The following ERC2 variants were observed in gnomAD, a reference collection of about 807,000 sequenced individuals.
ERC2 encodes ERC protein 2.
Under a neutral mutation model 114.8 loss-of-function variants are expected in ERC2, and 42 were observed. That is an observed-to-expected ratio of 0.37 (90% CI 0.29 to 0.47). The LOEUF is 0.47. ERC2 is among the 20% of genes least tolerant of loss of function. The probability of loss-of-function intolerance (pLI) is 0.99; values close to 1 mark genes in which losing one functional copy is unlikely to be tolerated. For missense variants in ERC2, 939 were observed against 1,150.7 expected (o/e 0.82, Z 2.66); for synonymous variants, 454 against 425.5 (o/e 1.07, Z -0.82).
chr3:56,164,147 C>T (rs894989978), intron 4 of ERC2, among the ~76,000 whole-genome samples: 9 of 151,918 alleles, frequency 5.9e-5, no homozygotes, highest in Non-Finnish European at 1.2e-4. Context: ...CCATAAAATT[C>T]ACCCTTTTAA....
intron 14 of ERC2, among the ~76,000 whole-genome samples, chr3:55,774,840 A>G (rs2068477756): frequency 1.3e-5 from 2 of 152,212 alleles, no homozygotes; most frequent in Admixed American, 1.3e-4. Flanking sequence ...CCTAATTACT[A>G]ATATTTATTT....
At chr3:56,216,653 A>C (rs530205278) in intron 3 of ERC2, among the ~76,000 whole-genome samples, 118 of 152,292 alleles carry the variant, frequency 7.7e-4, no homozygotes, top group African/African-American at 2.7e-3. Flanking sequence ...AGGCCAGCAT[A>C]ATCCTGATAC....
chr3:55,835,221 A>C (rs981544979), intron 14 of ERC2, among the ~76,000 whole-genome samples: 1 of 152,186 alleles, frequency 6.6e-6, no homozygotes, highest in Non-Finnish European at 1.5e-5. Flanking sequence ...CAACGAACAG[A>C]AAAAGAGGGA....
intron 3 of ERC2, among the ~76,000 whole-genome samples, chr3:56,204,517 T>TTTTATTTTAC: frequency 6.6e-6 from 1 of 151,602 alleles, no homozygotes; most frequent in Non-Finnish European, 1.5e-5. Context: ...TTTTATTTTA[T>TTTTATTTTAC]TTTTTGAGAC....
chr3:55,603,643 C>CA (rs34016147), intron 17 of ERC2, among the ~76,000 whole-genome samples: 13,009 of 66,584 alleles, frequency 0.2, 974 homozygotes, highest in South Asian at 0.25. Flanking sequence ...GACTCTGTCT[C>CA]AAAAAAAAAA....
At chr3:56,189,595 G>T (rs2083858757) in intron 3 of ERC2, among the ~76,000 whole-genome samples, 1 of 152,196 alleles carries the variant, frequency 6.6e-6, no homozygotes, top group African/African-American at 2.4e-5. Context: ...AAAGTAAGGG[G>T]TTCTGTATCA....
At chr3:56,104,551 AT>A (rs2078541723) in intron 6 of ERC2, among the ~76,000 whole-genome samples, 1 of 152,168 alleles carries the variant, frequency 6.6e-6, no homozygotes, top group Non-Finnish European at 1.5e-5. Context: ...ATTCAACAGA[AT>A]GGAATTACTT....
intron 14 of ERC2, among the ~76,000 whole-genome samples, chr3:55,788,507 G>C (rs1039024652): frequency 6.6e-6 from 1 of 152,178 alleles, no homozygotes; most frequent in African/African-American, 2.4e-5. Flanking sequence ...CTTCCCTTGA[G>C]AATTCAGCCC....
At chr3:55,527,852 C>G (rs1476005554) in intron 17 of ERC2, among the ~76,000 whole-genome samples, 1 of 152,130 alleles carries the variant, frequency 6.6e-6, no homozygotes, top group East Asian at 1.9e-4. Flanking sequence ...CAGTCAACTC[C>G]CCTTTTCTGA....
At chr3:56,456,920 G>A (rs1050843977) in intron 1 of ERC2, among the ~76,000 whole-genome samples, 4 of 151,758 alleles carry the variant, frequency 2.6e-5, no homozygotes, top group African/African-American at 9.7e-5. Flanking sequence ...CAATTTAACA[G>A]TGCTACTGTA....
intron 14 of ERC2, among the ~76,000 whole-genome samples, chr3:55,751,177 T>C (rs985038471): frequency 3.9e-5 from 6 of 152,254 alleles, no homozygotes; most frequent in Non-Finnish European, 8.8e-5. Flanking sequence ...TGTTTGGCAC[T>C]TCCAAGCTGG....
At chr3:56,317,253 A>G (rs1012009367) in intron 2 of ERC2, among the ~76,000 whole-genome samples, 126 of 152,352 alleles carry the variant, frequency 8.3e-4, no homozygotes, top group Middle Eastern at 3.4e-3. Context: ...AAGATATTCC[A>G]GGCAGAGTGA....
chr3:55,800,814 A>G (rs1245433281), intron 14 of ERC2, among the ~76,000 whole-genome samples: 1 of 152,178 alleles, frequency 6.6e-6, no homozygotes, highest in African/African-American at 2.4e-5. Flanking sequence ...TTGAGCTAAT[A>G]GCAGGAGATA....
chr3:56,444,072 C>G (rs2062447593), intron 1 of ERC2, among the ~76,000 whole-genome samples: 1 of 150,924 alleles, frequency 6.6e-6, no homozygotes, highest in East Asian at 2.0e-4. Flanking sequence ...ACGCCATTCT[C>G]CTGACTCAGC....
At chr3:56,156,332 C>G (rs112853899) in intron 4 of ERC2, among the ~76,000 whole-genome samples, 1 of 152,080 alleles carries the variant, frequency 6.6e-6, no homozygotes, top group South Asian at 2.1e-4. Flanking sequence ...GTAGTTTCAT[C>G]GGAGTTGTGT....
intron 13 of ERC2, among the ~76,000 whole-genome samples, chr3:55,948,772 TATAGA>T (rs1252194253): frequency 6.6e-6 from 1 of 152,222 alleles, no homozygotes; most frequent in Non-Finnish European, 1.5e-5. Flanking sequence ...AATTACTATA[TATAGA>T]AAAGACAAAA....
At chr3:55,715,327 T>A (rs709342) in intron 15 of ERC2, among the ~76,000 whole-genome samples, 88,322 of 152,002 alleles carry the variant, frequency 0.58, 26,001 homozygotes, top group South Asian at 0.71. Context: ...ATCATGGGCC[T>A]AAGATTGGGA....
In ERC2 at chr3:56,243,693, C is replaced by A. The variant is rs4974127; in HGVS notation, c.1074+52326G>T. ...AAGAAGATGAATTTCAACAGAAAATCATTTGGGATGAGGGAAGAATAAAGG... is the reference window on the plus strand; with the variant it reads ...AAGAAGATGAATTTCAACAGAAAATAATTTGGGATGAGGGAAGAATAAAGG... On this transcript the variant is annotated intron_variant, in intron 3 of 17. Transcript: ENST00000288221. 2.6e-5 allele frequency among the ~76,000 whole-genome samples: 4 copies of A among 151,994 alleles called. No individual in the cohort carries two copies. In the East Asian group the frequency reaches 7.7e-4, roughly 29 times the overall value.
intron 15 of ERC2, among the ~76,000 whole-genome samples, chr3:55,723,142 G>T (rs879276420): frequency 6.6e-6 from 1 of 152,116 alleles, no homozygotes; most frequent in South Asian, 2.1e-4. Flanking sequence ...ATATGTTTTC[G>T]AAGGCTTTTA....
Sources: gnomAD v4.1 joint callset for allele counts (sites outside exome capture counted in the v4.1 genomes callset) on GRCh38, gnomAD v4.1.1 for gene constraint, MANE v1.5 for transcripts, NCBI Gene and HGNC (gene_info 2026-07-23, HGNC 2026-07-21) for gene names.